The following SPMIP6 variants were observed in gnomAD, a reference collection of about 807,000 sequenced individuals.
SPMIP6 encodes sperm microtubule inner protein 6.
At chr9:34,394,275 C>T in the SPMIP6 span, among the ~76,000 whole-genome samples, 1 of 152,184 alleles carries the variant, frequency 6.6e-6, no homozygotes, top group Non-Finnish European at 1.5e-5. Flanking sequence ...CCTGCCTCAG[C>T]CTCCTGAGTA....
At chr9:34,382,268 T>A in the SPMIP6 span, among the ~76,000 whole-genome samples, 1 of 152,156 alleles carries the variant, frequency 6.6e-6, no homozygotes, top group African/African-American at 2.4e-5. Context: ...GCCCTACTTT[T>A]GGGTTCCTTT....
At chr9:34,397,447 C>G in the SPMIP6 span, 2 of 1,584,396 alleles carry the variant, frequency 1.3e-6, no homozygotes, top group Admixed American at 3.3e-5. Flanking sequence ...TGCCAGGCAT[C>G]CAGACTGGCC....
chr9:34,395,182 T>G, the SPMIP6 span, among the ~76,000 whole-genome samples: 5 of 152,126 alleles, frequency 3.3e-5, no homozygotes, highest in Non-Finnish European at 7.4e-5. Flanking sequence ...AGGCTGGTCT[T>G]GAACTCGTAG....
the SPMIP6 span, chr9:34,379,269 A>G: frequency 2.5e-6 from 2 of 815,580 alleles, no homozygotes; most frequent in South Asian, 1.4e-5. This position sits in a 1 kb window ranked among gnomAD's most constrained non-coding sequence, Gnocchi z 4.2. Context: ...CCTTATCCCT[A>G]CACTTTGTCT....
chr9:34,381,617 C>T, the SPMIP6 span: 3 of 1,440,640 alleles, frequency 2.1e-6, no homozygotes, highest in Non-Finnish European at 2.7e-6. This position sits in a 1 kb window ranked among gnomAD's most constrained non-coding sequence, Gnocchi z 4.4. Flanking sequence ...AACGCTTTTA[C>T]ATCGCCAACA....
At chr9:34,387,475 C>T in the SPMIP6 span, among the ~76,000 whole-genome samples, 1 of 152,100 alleles carries the variant, frequency 6.6e-6, no homozygotes, top group Non-Finnish European at 1.5e-5. Flanking sequence ...GATGTGGGTG[C>T]ATGGGTCCCG....
the SPMIP6 span, among the ~76,000 whole-genome samples, chr9:34,397,208 C>T: frequency 6.6e-6 from 1 of 152,170 alleles, no homozygotes; most frequent in Non-Finnish European, 1.5e-5. Flanking sequence ...GTAGCCCTCC[C>T]TTTCCATTTC....
chr9:34,388,461 C>T, the SPMIP6 span, among the ~76,000 whole-genome samples: 1 of 152,086 alleles, frequency 6.6e-6, no homozygotes, highest in Admixed American at 6.6e-5. Context: ...CTAACTGCTT[C>T]TTAACAGCTT....
chr9:34,395,111 T>A, the SPMIP6 span, among the ~76,000 whole-genome samples: 3 of 152,192 alleles, frequency 2.0e-5, no homozygotes, highest in East Asian at 3.9e-4. Context: ...TATGGGCACA[T>A]GCCACTGCAC....
chr9:34,381,751 T>G, the SPMIP6 span: 1 of 985,444 alleles, frequency 1.0e-6, no homozygotes, highest in Non-Finnish European at 1.2e-6. The surrounding 1 kb of genome is among the most constrained non-coding windows in gnomAD (Gnocchi z 4.4). Context: ...TGTTTAGCTG[T>G]GTCTGGGTGT....
the SPMIP6 span, chr9:34,379,231 A>G: frequency 9.2e-7 from 1 of 1,091,828 alleles, no homozygotes; most frequent in Non-Finnish European, 1.4e-6. The surrounding 1 kb of genome is among the most constrained non-coding windows in gnomAD (Gnocchi z 4.2). Context: ...TGTCAAAGTG[A>G]ATATCTGACT....
chr9:34,379,763 G>A, the SPMIP6 span: 1 of 1,576,244 alleles, frequency 6.3e-7, no homozygotes, highest in Non-Finnish European at 8.7e-7. The surrounding 1 kb of genome is among the most constrained non-coding windows in gnomAD (Gnocchi z 4.2). Flanking sequence ...GAGCATGGAG[G>A]GGTTGGGCCT....
the SPMIP6 span, chr9:34,382,936 C>G: frequency 9.6e-7 from 1 of 1,045,052 alleles, no homozygotes; most frequent in Non-Finnish European, 1.5e-6. Flanking sequence ...CTGAGATCCC[C>G]TACATGTTTC....
At chr9:34,397,690 A>G in the SPMIP6 span, 1 of 1,520,706 alleles carries the variant, frequency 6.6e-7, no homozygotes, top group Non-Finnish European at 8.8e-7. Flanking sequence ...CCTGCTGGAC[A>G]TCAGTGACCA....
At chr9:34,395,129 A>C in the SPMIP6 span, among the ~76,000 whole-genome samples, 1 of 152,166 alleles carries the variant, frequency 6.6e-6, no homozygotes, top group African/African-American at 2.4e-5. Flanking sequence ...CACCTGGCTA[A>C]TCTTTGTATT....
the SPMIP6 span, among the ~76,000 whole-genome samples, chr9:34,388,248 C>T: frequency 0.42 from 63,489 of 150,082 alleles, 14,114 homozygotes; most frequent in East Asian, 0.85. Context: ...TCAAGTGATT[C>T]TCCTGCCTCA....
chr9:34,379,786 C>A, the SPMIP6 span: 2 of 1,434,558 alleles, frequency 1.4e-6, 1 homozygote, highest in Admixed American at 3.4e-5. The surrounding 1 kb of genome is among the most constrained non-coding windows in gnomAD (Gnocchi z 4.2). Flanking sequence ...TGACTCTCAT[C>A]CCCCGATTTA....
At chr9:34,380,577 A>C in the SPMIP6 span, 1 of 1,386,008 alleles carries the variant, frequency 7.2e-7, no homozygotes, top group Non-Finnish European at 9.5e-7. Flanking sequence ...GATGCGACTG[A>C]TGTGCGGGGT....
chr9:34,380,678 G>A, the SPMIP6 span: 1 of 1,545,446 alleles, frequency 6.5e-7, no homozygotes. Context: ...CAGGGGTCGG[G>A]GACTTGGAGT....
Sources: gnomAD v4.1 joint callset for allele counts (sites outside exome capture counted in the v4.1 genomes callset) on GRCh38, gnomAD v4.1.1 for gene constraint, Gnocchi (gnomAD v3.1) non-coding constraint, MANE v1.5 for transcripts, NCBI Gene and HGNC (gene_info 2026-07-23, HGNC 2026-07-21) for gene names.